C5: variants seen among roughly 807,000 people sequenced by gnomAD.
C5 encodes complement C5, also known as C3 and PZP-like alpha-2-macroglobulin domain-containing protein 4.
Under a neutral mutation model 218.8 loss-of-function variants are expected in C5, and 140 were observed. The ratio of observed to expected loss-of-function variants is 0.64; its 90% CI spans 0.56 to 0.74. The LOEUF (loss-of-function observed/expected upper bound fraction) is 0.74. C5 is among the 30% of genes least tolerant of loss of function. The probability of loss-of-function intolerance (pLI) is 0.00; values close to 1 mark genes in which losing one functional copy is unlikely to be tolerated. For synonymous variants in C5, 614 were observed against 682.3 expected (o/e 0.90, Z 1.56); for missense variants, 1,700 against 1,969.6 (o/e 0.86, Z 2.59).
chr9:121,018,301 C>T (rs1485211782), intron 12 of C5, among the ~76,000 whole-genome samples: 1 of 147,404 alleles, frequency 6.8e-6, no homozygotes, highest in Non-Finnish European at 1.5e-5. Context: ...TGGCTGGGCA[C>T]GGTGGCTCAC....
chr9:120,987,871 T>C (rs762607010), intron 25 of C5, among the ~76,000 whole-genome samples: 5 of 151,912 alleles, frequency 3.3e-5, no homozygotes, highest in Non-Finnish European at 4.4e-5. Context: ...CGGCTCACTG[T>C]AACCCTTGCC....
At chr9:121,003,443 G>C (rs997042348) in intron 20 of C5, among the ~76,000 whole-genome samples, 3 of 152,054 alleles carry the variant, frequency 2.0e-5, no homozygotes, top group Non-Finnish European at 2.9e-5. Flanking sequence ...ATATGGAAAA[G>C]TTCATTTTTA....
intron 31 of C5, among the ~76,000 whole-genome samples, chr9:120,970,500 T>C (rs2046902930): frequency 6.6e-6 from 1 of 152,198 alleles, no homozygotes; most frequent in Admixed American, 6.5e-5. Flanking sequence ...CTAAATTCCA[T>C]GCAGTCAAAT....
At chr9:121,067,513 G>A in the C5 span, among the ~76,000 whole-genome samples, 1 of 151,122 alleles carries the variant, frequency 6.6e-6, no homozygotes, top group Non-Finnish European at 1.5e-5. Flanking sequence ...GCAGTGAGCC[G>A]AGATCGCGCC....
Position 120,977,006 on chromosome 9 carries a change from C to T in C5, c.3659-101G>A. On this transcript the variant is annotated intron_variant, in intron 28 of 40. Transcript: ENST00000223642. Reference sequence around the variant, plus strand: ...ATGGCCTTCCAGTTTCTAGAAGCTACTTACTTTTTCTTGTTAGAGGAACTT... The same window carrying T: ...ATGGCCTTCCAGTTTCTAGAAGCTATTTACTTTTTCTTGTTAGAGGAACTT... 3 of 992,008 alleles carry T rather than the reference C, an allele frequency of 3.0e-6. No individual in the cohort carries two copies. The South Asian group carries it at 4.1e-5, about 14-fold the overall frequency. 61.5% of individuals were successfully genotyped at this position (992,008 alleles called of 1,614,324 possible). A position where few individuals can be genotyped will look rare whatever the true frequency, so the allele number is the denominator to read the frequency against.
intron 40 of C5, 56 bp from the exon 41 acceptor site, chr9:120,952,924 A>AT: frequency 6.3e-7 from 1 of 1,595,168 alleles, no homozygotes; most frequent in Non-Finnish European, 8.6e-7. Context: ...GCTGAATTTG[A>AT]TTTCTTTATT....
At chr9:121,037,841 A>G in intron 4 of C5, 40 bp downstream of exon 4, 1 of 886,742 alleles carries the variant, frequency 1.1e-6, no homozygotes, top group Non-Finnish European at 1.8e-6. Flanking sequence ...TTGTCCTGAA[A>G]AATGAATTAA....
chr9:120,965,474 C>T lies in C5; in HGVS notation c.4221-1736G>A, dbSNP rs556167292. ...GGCAGAGGTTGCAGTGAGCTGAGAT[C>T]GCACCACTGCACTCTAGTCTGGGCA... On this transcript the variant is annotated intron_variant, in intron 33 of 40. Coordinates refer to ENST00000223642, the MANE Select transcript of C5 (RefSeq NM_001735.3). 6.1e-4 allele frequency among the ~76,000 whole-genome samples: 93 copies of T among 151,936 alleles called. 1 individual carries two copies. The highest frequency in any genetic ancestry group is 1.1e-3 in the Admixed American group (16 of 15,226).
intron 25 of C5, among the ~76,000 whole-genome samples, chr9:120,986,104 C>T (rs553235704): frequency 6.6e-6 from 1 of 152,292 alleles, no homozygotes; most frequent in Non-Finnish European, 1.5e-5. Context: ...TCTGCCATCT[C>T]CTTGGGTTGC....
rs1588003925 is a variant in C5 at position 121,050,218 on chromosome 9, A to G, written c.29T>C (p.Leu10Ser). 6.2e-7 allele frequency: 1 copy of G among 1,613,922 alleles called. No homozygotes were observed. Residue 10 changes from leucine (L) to serine (S), a missense_variant, in exon 1 of 41, where the codon TTA becomes TCA. Coordinates refer to ENST00000223642, the MANE Select transcript of C5 (RefSeq NM_001735.3). MGLLGILCF[L>S]IFLGKTWGQE... is the part of the protein sequence containing the mutation. ...TCCCCAGGTTTTCCCCAGGAAGATT[A>G]AAAAACAAAGTATTCCCAAAAGGCC...
chr9:121,016,462 A>G, intron 14 of C5, 79 bp from the exon 15 acceptor site: 2 of 1,561,026 alleles, frequency 1.3e-6, no homozygotes, highest in South Asian at 1.1e-5. Context: ...ACTAATTGTT[A>G]CATGGTTATC....
the C5 span, among the ~76,000 whole-genome samples, chr9:121,073,955 G>A: frequency 6.6e-6 from 1 of 152,162 alleles, no homozygotes; most frequent in African/African-American, 2.4e-5. Flanking sequence ...AAACTCTGTA[G>A]TGAAGAAAGG....
intron 4 of C5, 96 bp from the exon 5 acceptor site, chr9:121,034,990 C>A: frequency 1.5e-6 from 1 of 648,412 alleles, no homozygotes; most frequent in South Asian, 1.8e-5. Flanking sequence ...ATTTATAGAT[C>A]AAATATTTGA....
the C5 span, among the ~76,000 whole-genome samples, chr9:121,062,057 T>C: frequency 2.0e-5 from 3 of 148,242 alleles, no homozygotes; most frequent in South Asian, 6.2e-4. Flanking sequence ...TTTTTTGTTG[T>C]TGTTGTTTTT....
At chr9:120,956,458 G>C (rs1340730605) in intron 39 of C5, among the ~76,000 whole-genome samples, 1 of 152,056 alleles carries the variant, frequency 6.6e-6, no homozygotes, top group Non-Finnish European at 1.5e-5. Flanking sequence ...CACGCTCATG[G>C]ATAGGAAGAA....
At chr9:120,994,297 A>T (rs951262054) in intron 22 of C5, among the ~76,000 whole-genome samples, 2 of 152,134 alleles carry the variant, frequency 1.3e-5, no homozygotes, top group African/African-American at 4.8e-5. Context: ...AAATATCAGA[A>T]ATAGGCCGGG....
intron 22 of C5, among the ~76,000 whole-genome samples, chr9:120,993,715 C>G (rs2047095423): frequency 6.6e-6 from 1 of 152,246 alleles, no homozygotes; most frequent in South Asian, 2.1e-4. Flanking sequence ...AGCCACCGCG[C>G]CTGGCCGAGA....
chr9:121,017,882 G>A, intron 12 of C5, 30 bp from the exon 13 acceptor site: 1 of 1,399,212 alleles, frequency 7.1e-7, no homozygotes, highest in Non-Finnish European at 1.0e-6. Context: ...GCAACAATAA[G>A]TAAAAAATAA....
chr9:121,027,753 C>T (rs950588191), intron 7 of C5, among the ~76,000 whole-genome samples: 21 of 152,086 alleles, frequency 1.4e-4, no homozygotes, highest in African/African-American at 5.1e-4. Context: ...AGAAGAAAAC[C>T]TAGGCAATAC....
Sources: gnomAD v4.1 joint callset for allele counts (sites outside exome capture counted in the v4.1 genomes callset) on GRCh38, gnomAD v4.1.1 for gene constraint, MANE v1.5 for transcripts, NCBI Gene and HGNC (gene_info 2026-07-23, HGNC 2026-07-21) for gene names.